Variants in RPA1 observed in about 807,000 individuals in gnomAD.
RPA1 encodes the protein replication protein A1, also known as replication protein A 70 kDa DNA-binding subunit.
RPA1 carries 49 observed loss-of-function variants against 83.0 expected under a neutral mutation model. The ratio of observed to expected loss-of-function variants is 0.59; its 90% CI spans 0.47 to 0.75. The LOEUF (loss-of-function observed/expected upper bound fraction) is 0.75. Among genes scored for constraint, RPA1 ranks in the 30% least tolerant of loss-of-function variants. The probability of loss-of-function intolerance (pLI) is 0.00; values close to 1 mark genes in which losing one functional copy is unlikely to be tolerated. For synonymous variants in RPA1, 279 were observed against 281.8 expected (o/e 0.99, Z 0.10); for missense variants, 693 against 776.1 (o/e 0.89, Z 1.27).
chr17:1,894,615 C>A (rs1198346295), intron 15 of RPA1, among the ~76,000 whole-genome samples: 1 of 152,216 alleles, frequency 6.6e-6, no homozygotes, highest in Admixed American at 6.5e-5. Flanking sequence ...TCACCACCAT[C>A]CTTTTCCAGT....
chr17:1,830,256 G>A, intron 1 of RPA1, 130 bp downstream of exon 1: 1 of 607,500 alleles, frequency 1.6e-6, no homozygotes, highest in Non-Finnish European at 2.4e-6. Context: ...GCGGGGGGCG[G>A]TGGGGACCCG....
At chr17:1,876,404 A>G (rs1913575127) in intron 7 of RPA1, among the ~76,000 whole-genome samples, 1 of 152,002 alleles carries the variant, frequency 6.6e-6, no homozygotes, top group Non-Finnish European at 1.5e-5. Context: ...AAAATACAAA[A>G]ATTAGCCAGG....
rs79067796 is a variant in RPA1 at position 1,866,258 on chromosome 17, A to T, written c.362-6176A>T. 9.3e-3 allele frequency among the ~76,000 whole-genome samples: 1,405 copies of T among 151,594 alleles called. 18 individuals carry two copies. Among genetic ancestry groups the T allele is most frequent in the African/African-American group, 0.031 (1,298 of 41,352 alleles). On this transcript the variant is annotated intron_variant, in intron 5 of 16. Coordinates refer to ENST00000254719, the MANE Select transcript of RPA1 (RefSeq NM_002945.5). ...CTCCATCTCAAAAAACAACAAAAAA[A>T]TTTTTTTTTGGCCTAGAGATAATCC...
rs1170624093 is a variant in RPA1, at chr17:1,899,015, C to T, written c.*1840C>T. The stretch of plus-strand genomic sequence containing the variant: ...CTGTCCACACAGTGAAGAGGCCTGA[C>T]CAGCCGTGGTACCAGGACAGGACGT... On this transcript the variant is annotated 3_prime_UTR_variant, in exon 17 of 17. Transcript: ENST00000254719. 6.5e-6 allele frequency: 1 copy of T among 152,898 alleles called. No homozygotes were observed. Among genetic ancestry groups the T allele is most frequent in the African/African-American group, 2.4e-5 (1 of 41,454 alleles). 9.5% of individuals were successfully genotyped at this position (152,898 alleles called of 1,614,324 possible).
chr17:1,858,974 C>A (rs1349214663), intron 5 of RPA1, among the ~76,000 whole-genome samples: 2 of 150,818 alleles, frequency 1.3e-5, no homozygotes, highest in Non-Finnish European at 2.9e-5. Context: ...ATGATCTTGG[C>A]TCACTGCAAT....
intron 8 of RPA1, 105 bp from the exon 9 acceptor site, chr17:1,878,888 T>C: frequency 9.3e-7 from 1 of 1,080,260 alleles, no homozygotes; most frequent in Non-Finnish European, 1.4e-6. Flanking sequence ...TCTCAAGATG[T>C]CACTTTGGTG....
rs1409394895 is a variant in RPA1 at position 1,894,933 on chromosome 17, CTT to C, written c.1660-72_1660-71del. ...ACCCAGGAGATGCATTTTCAGAAGT[CTT>C]TTTAAAAGTCTTATCAGTATTTGCA... On this transcript the variant is annotated intron_variant, in intron 15 of 16. Coordinates refer to ENST00000254719, the MANE Select transcript of RPA1 (RefSeq NM_002945.5). 17 of 1,197,128 alleles carry C rather than the reference CTT, an allele frequency of 1.4e-5. No homozygotes were observed. The Admixed American group carries it at 1.7e-4, about 12-fold the overall frequency. The allele number at this position is 1,197,128 out of a possible 1,614,324, so 74.2% of individuals were successfully genotyped here. A position where few individuals can be genotyped will look rare whatever the true frequency, so the allele number is the denominator to read the frequency against.
At chr17:1,844,256 T>C (rs1039779784) in intron 3 of RPA1, among the ~76,000 whole-genome samples, 1 of 152,198 alleles carries the variant, frequency 6.6e-6, no homozygotes, top group Non-Finnish European at 1.5e-5. Flanking sequence ...AAGGATGATA[T>C]TGACATCGAC....
chr17:1,886,854 T>A (rs956123869), intron 13 of RPA1, among the ~76,000 whole-genome samples: 1 of 152,010 alleles, frequency 6.6e-6, no homozygotes, highest in African/African-American at 2.4e-5. Context: ...AGAGACTAGG[T>A]CTCACTATGT....
intron 4 of RPA1, among the ~76,000 whole-genome samples, chr17:1,848,144 A>C (rs1912332522): frequency 6.6e-6 from 1 of 152,188 alleles, no homozygotes; most frequent in Non-Finnish European, 1.5e-5. Flanking sequence ...CAGTGTTCTA[A>C]AGTGAGGTAG....
Position 1,872,465 on chromosome 17 carries a change from G to T in RPA1, c.393G>T (p.Ala131=), listed in dbSNP as rs202100560. ...GLGQPQVAPP[A]PAASPAASSR... is the part of the protein sequence containing the mutation. ...GGCAGCCGCAAGTAGCTCCTCCAGC[G>T]CCAGCAGCCAGCCCAGCAGCAAGCA... The change falls in exon 6 of 17, where the codon GCG becomes GCT. Residue 131 remains alanine, a synonymous_variant. Transcript: ENST00000254719. 3.1e-6 allele frequency: 5 copies of T among 1,613,848 alleles called. No individual in the cohort carries two copies. The African/African-American group carries it at 6.7e-5, about 22-fold the overall frequency.
At chr17:1,881,760 T>G (rs1430797706) in intron 12 of RPA1, among the ~76,000 whole-genome samples, 1 of 152,156 alleles carries the variant, frequency 6.6e-6, no homozygotes, top group Non-Finnish European at 1.5e-5. Flanking sequence ...AGCACGGCTG[T>G]CCCCAGAATA....
At chr17:1,869,272 T>A (rs542391275) in intron 5 of RPA1, among the ~76,000 whole-genome samples, 1 of 152,022 alleles carries the variant, frequency 6.6e-6, no homozygotes, top group Non-Finnish European at 1.5e-5. Flanking sequence ...CATGGTGGCT[T>A]ATGCCTGTAA....
intron 1 of RPA1, among the ~76,000 whole-genome samples, chr17:1,836,231 T>C (rs1911816878): frequency 6.6e-6 from 1 of 151,032 alleles, no homozygotes; most frequent in Non-Finnish European, 1.5e-5. Context: ...CATGCCTCAG[T>C]CTCCTTAGTA....
rs903933604 is a variant in RPA1 at position 1,844,595 on chromosome 17, C to T, written c.181C>T (p.Gln61Ter). 1 of 1,613,272 alleles carries T rather than the reference C, an allele frequency of 6.2e-7. No homozygotes were observed. The highest frequency in any genetic ancestry group is 8.5e-7 in the Non-Finnish European group (1 of 1,179,692). Residue 61 changes from glutamine (Q) to a stop codon, truncating the protein, a stop_gained, in exon 4 of 17, where the codon CAG becomes TAG. Coordinates refer to ENST00000254719, the MANE Select transcript of RPA1 (RefSeq NM_002945.5). LOFTEE classifies it high-confidence loss of function. ...NTLSSFMLAT[Q>*]LNPLVEEEQL... is the part of the protein sequence containing the mutation. ...GTTTTCAGCTTTCATGTTGGCGACA[C>T]AGTTGAACCCTCTCGTGGAGGAAGA...
chr17:1,866,747 C>T (rs4239057), intron 5 of RPA1, among the ~76,000 whole-genome samples: 32,948 of 152,190 alleles, frequency 0.22, 3,683 homozygotes, highest in Admixed American at 0.25. Context: ...AGGCGGGGAC[C>T]GCTGTGCCCG....
At chr17:1,852,823 T>A (rs931696927) in intron 4 of RPA1, among the ~76,000 whole-genome samples, 1 of 152,234 alleles carries the variant, frequency 6.6e-6, no homozygotes, top group Non-Finnish European at 1.5e-5. Context: ...CATATATTCT[T>A]GTGTTTAGTA....
At chr17:1,842,081 C>G (rs955555848) in intron 1 of RPA1, among the ~76,000 whole-genome samples, 1 of 152,010 alleles carries the variant, frequency 6.6e-6, no homozygotes, top group South Asian at 2.1e-4. Context: ...GTCTTGAACT[C>G]TTGGGCTCAA....
At chr17:1,830,162 G>C (rs1242369426) in intron 1 of RPA1, 36 bp downstream of exon 1, 2 of 1,235,618 alleles carry the variant, frequency 1.6e-6, no homozygotes. Flanking sequence ...GGCGGTCCGG[G>C]GTGGCTGCGG....
Sources: allele counts gnomAD v4.1 joint callset (sites outside exome capture counted in the v4.1 genomes callset), GRCh38; gene constraint gnomAD v4.1.1; transcripts MANE v1.5; gene names NCBI Gene and HGNC (gene_info 2026-07-23, HGNC 2026-07-21).